ALDH1L1: variants seen among roughly 807,000 people sequenced by gnomAD.
ALDH1L1 encodes the protein cytosolic 10-formyltetrahydrofolate dehydrogenase.
Under a neutral mutation model 101.1 loss-of-function variants are expected in ALDH1L1, and 68 were observed. The ratio of observed to expected loss-of-function variants is 0.67; its 90% confidence interval spans 0.55 to 0.82. The LOEUF (loss-of-function observed/expected upper bound fraction) is 0.82. ALDH1L1 is among the 40% of genes least tolerant of loss of function. The pLI, the probability that ALDH1L1 is intolerant of heterozygous loss-of-function variation, is 0.00. For missense variants in ALDH1L1, 1,087 were observed against 1,172.7 expected, an observed-to-expected ratio of 0.93 and a Z score of 1.07; for synonymous variants, 486 against 470.8, an observed-to-expected ratio of 1.03 and a Z score of -0.42.
At chr3:126,149,782 T>G (rs1042396519) in intron 8 of ALDH1L1, among the ~76,000 whole-genome samples, 1 of 152,294 alleles carries the variant, frequency 6.6e-6, no homozygotes, top group Admixed American at 6.5e-5. Flanking sequence ...TCTGCCCTGT[T>G]AGGGCCTTGC....
intron 12 of ALDH1L1, 71 bp downstream of exon 12, chr3:126,135,464 G>A (rs1423636130): frequency 1.9e-6 from 3 of 1,552,436 alleles, no homozygotes; most frequent in South Asian, 2.3e-5. Flanking sequence ...GGCCTCCACA[G>A]AAGTCCCCCC....
intron 17 of ALDH1L1, chr3:126,115,645 G>C (rs1438784479): frequency 1.3e-5 from 2 of 152,370 alleles, no homozygotes; most frequent in Non-Finnish European, 2.9e-5. Flanking sequence ...GCATGATCTT[G>C]GCTCATGCAA....
chr3:126,168,147 T>C (rs2081204188), intron 1 of ALDH1L1, among the ~76,000 whole-genome samples: 1 of 152,156 alleles, frequency 6.6e-6, no homozygotes, highest in African/African-American at 2.4e-5. Flanking sequence ...TTAGGCAAAT[T>C]GTAAAAACAT....
chr3:126,137,987 GAC>G (rs755782743), intron 9 of ALDH1L1, 27 bp from the exon 10 acceptor site: 1 of 1,613,406 alleles, frequency 6.2e-7, no homozygotes, highest in Non-Finnish European at 8.5e-7. Context: ...GAAAGATGGG[GAC>G]ACGGGAGGGG....
intron 14 of ALDH1L1, among the ~76,000 whole-genome samples, chr3:126,126,132 G>A (rs2080177662): frequency 6.6e-6 from 1 of 152,162 alleles, no homozygotes. Flanking sequence ...GTGAGGCCAG[G>A]TGTCAATCCT....
intron 22 of ALDH1L1, chr3:126,104,182 C>A: frequency 2.7e-6 from 1 of 370,806 alleles, no homozygotes; most frequent in Non-Finnish European, 4.9e-6. Context: ...TGGCCCATCT[C>A]TTCTCTCATG....
At chr3:126,123,635 C>CAAAAAAAAAAAAAA (rs10652286) in intron 16 of ALDH1L1, among the ~76,000 whole-genome samples, 1 of 128,870 alleles carries the variant, frequency 7.8e-6, no homozygotes. Context: ...CAAAAAGCTG[C>CAAAAAAAAAAAAAA]AAAAAAAAAA....
At chr3:126,188,659 C>A (rs1452816712) in intron 1 of ALDH1L1, among the ~76,000 whole-genome samples, 1 of 152,170 alleles carries the variant, frequency 6.6e-6, no homozygotes, top group Non-Finnish European at 1.5e-5. Flanking sequence ...CTCAACGTGT[C>A]ATTTATTCAT....
In ALDH1L1 at chr3:126,158,387, GT is replaced by G. The variant is rs981368921; in HGVS notation, c.362+17del. 1.3e-6 allele frequency: 2 copies of G among 1,550,386 alleles called. No homozygotes were observed. Among genetic ancestry groups the G allele is most frequent in the South Asian group, 1.2e-5 (1 of 85,592 alleles). On this transcript the variant is annotated intron_variant, in intron 3 of 22. Coordinates refer to ENST00000393434, the MANE Select transcript of ALDH1L1 (RefSeq NM_012190.4). Reference sequence around the variant, plus strand: ...GACATGTATGGGGATGGCCCCCTGTGTTTTTGCCCCATCTCACCAGTTGATG... The same window carrying G: ...GACATGTATGGGGATGGCCCCCTGTGTTTTGCCCCATCTCACCAGTTGATG...
Position 126,141,169 on chromosome 3 carries a change from G to C in ALDH1L1, c.1077-3209C>G, listed in dbSNP as rs187705274. Reference sequence around the variant, plus strand: ...AACAAGTTTACAAGACACAAAGAAGGACATTATATTGATACAAAGTTTGAT... The same window carrying C: ...AACAAGTTTACAAGACACAAAGAAGCACATTATATTGATACAAAGTTTGAT... On this transcript the variant is annotated intron_variant, in intron 9 of 22. Coordinates refer to ENST00000393434, the MANE Select transcript of ALDH1L1 (RefSeq NM_012190.4). Among the ~76,000 whole-genome samples the C allele has an allele frequency of 4.7e-4, 71 of 152,058 alleles. 1 individual carries two copies. Among genetic ancestry groups the C allele is most frequent in the Admixed American group, 3.4e-3 (52 of 15,280 alleles).
At chr3:126,179,536 C>T (rs928531606) in intron 1 of ALDH1L1, among the ~76,000 whole-genome samples, 5 of 150,708 alleles carry the variant, frequency 3.3e-5, no homozygotes, top group African/African-American at 1.2e-4. Flanking sequence ...CAACATTCTC[C>T]GAGGGTTTCC....
chr3:126,136,781 T>G lies in ALDH1L1; in HGVS notation c.1327A>C (p.Asn443His), dbSNP rs1362271335. The G allele has an allele frequency of 1.3e-6, 2 of 1,579,010 alleles. No homozygotes were observed. The highest frequency in any genetic ancestry group is 1.7e-6 in the Non-Finnish European group (2 of 1,161,656). Reference sequence around the variant, plus strand: ...GCACTCACACTTCCATCGGTGGGATTGATGGTCTCAGAGGTCTTGGCGCCC... The same window carrying G: ...GCACTCACACTTCCATCGGTGGGATGGATGGTCTCAGAGGTCTTGGCGCCC... ...AEGAKTSETI[N>H]PTDGSVICQV... The change falls in exon 11 of 23, where the codon AAT becomes CAT. Residue 443 changes from asparagine to histidine, a missense_variant. Asn to His is a moderately conservative substitution (Grantham distance 68). Around this residue, in one of 2 missense-constraint regions of ALDH1L1, gnomAD observed 645 missense variants for 637.0 expected, o/e 1.01. Transcript: ENST00000393434.
rs1198741865 is a variant in ALDH1L1, at chr3:126,135,785, G to A, written c.1345-123C>T. Reference sequence around the variant, plus strand: ...GCGGCCCCTGTCCACATGAGCAGGTGTGGAGGAGAAGCATGGCCAAAGGAC... The same window carrying A: ...GCGGCCCCTGTCCACATGAGCAGGTATGGAGGAGAAGCATGGCCAAAGGAC... On this transcript the variant is annotated intron_variant, in intron 11 of 22. Transcript: ENST00000393434. 19 of 1,248,444 alleles carry A rather than the reference G, an allele frequency of 1.5e-5. No individual in the cohort carries two copies. The Admixed American group carries it at 4.8e-4, about 32-fold the overall frequency. 77.3% of individuals were successfully genotyped at this position (1,248,444 alleles called of 1,614,324 possible).
At chr3:126,122,347 G>T (rs1008039075) in intron 16 of ALDH1L1, among the ~76,000 whole-genome samples, 15 of 152,164 alleles carry the variant, frequency 9.9e-5, no homozygotes, top group African/African-American at 3.6e-4. Flanking sequence ...TGTGTAAAAT[G>T]ATTATATACA....
intron 1 of ALDH1L1, among the ~76,000 whole-genome samples, chr3:126,175,233 G>C (rs1216431894): frequency 6.6e-6 from 1 of 152,100 alleles, no homozygotes; most frequent in African/African-American, 2.4e-5. Context: ...ACTGATTAAA[G>C]AACTGGAGCC....
At chr3:126,167,619 G>T (rs1209926218) in intron 1 of ALDH1L1, among the ~76,000 whole-genome samples, 1 of 151,622 alleles carries the variant, frequency 6.6e-6, no homozygotes, top group Non-Finnish European at 1.5e-5. Context: ...GAAAAATCTG[G>T]CATACTAAAT....
Position 126,136,861 on chromosome 3 carries a change from C to T in ALDH1L1, c.1247G>A (p.Arg416His), listed in dbSNP as rs772606938. The change falls in exon 11 of 23, where the codon CGC (arginine) becomes CAC (histidine). Residue 416 changes from arginine to histidine, a missense_variant. Arg to His is a conservative substitution (Grantham distance 29). Transcript: ENST00000393434. The part of the protein sequence containing the change: ...IDYVEMAVNK[R>H]TVRMPHQLFI... ...GAGCTGGTGGGGCATGCGGACAGTG[C>T]GCTTGTTCACTGCCATTTCCACCTG... 32 of 1,612,976 alleles carry T rather than the reference C, an allele frequency of 2.0e-5. No homozygotes were observed. In the Middle Eastern group the frequency reaches 4.9e-4, roughly 25 times the overall value.
intron 9 of ALDH1L1, among the ~76,000 whole-genome samples, chr3:126,138,621 T>C (rs1477945848): frequency 6.6e-6 from 1 of 152,214 alleles, no homozygotes; most frequent in African/African-American, 2.4e-5. Context: ...TTTAAAAGCC[T>C]GACCATTCCC....
chr3:126,185,657 C>A (rs902940510), upstream of ALDH1L1, among the ~76,000 whole-genome samples: 1 of 152,018 alleles, frequency 6.6e-6, no homozygotes, highest in African/African-American at 2.4e-5. Flanking sequence ...GAGAAGCTGG[C>A]AAAGTCAGGG....
Sources: allele counts gnomAD v4.1 joint callset (sites outside exome capture counted in the v4.1 genomes callset), GRCh38; gene constraint gnomAD v4.1.1; regional missense constraint gnomAD v4.1.1; transcripts MANE v1.5; gene names NCBI Gene and HGNC (gene_info 2026-07-23, HGNC 2026-07-21).